The following SCRIB variants were observed in gnomAD, a reference collection of about 807,000 sequenced individuals.
The protein encoded by SCRIB is scribble planar cell polarity protein.
SCRIB carries 72 observed loss-of-function variants against 170.0 expected under a neutral mutation model. That is an observed-to-expected ratio of 0.42 (90% CI 0.35 to 0.52). The LOEUF is 0.52. SCRIB is among the 20% of genes least tolerant of loss of function. The probability of loss-of-function intolerance (pLI) is 0.02; values close to 1 mark genes in which losing one functional copy is unlikely to be tolerated. For synonymous variants in SCRIB, 1,298 were observed against 1,044.3 expected, an observed-to-expected ratio of 1.24 and a Z score of -4.68; for missense variants, 2,475 against 2,338.5, an observed-to-expected ratio of 1.06 and a Z score of -1.20.
At position 143,795,041 on chromosome 8, in the gene SCRIB, C is replaced by G; in HGVS notation, c.3843G>C (p.Gln1281His). Reference sequence around the variant, plus strand: ...GCACTGCACACTGGGCACTCACCCTCTGCACGCTGCCAGCGCTGGGCACGG... The same window carrying G: ...GCACTGCACACTGGGCACTCACCCTGTGCACGCTGCCAGCGCTGGGCACGG... ...LAAVPSAGSV[Q>H]RVPSGAAGGK... The change falls in exon 27 of 37, where the codon CAG (glutamine) becomes CAC (histidine). Residue 1281 changes from glutamine to histidine, a missense_variant. Gln to His is a conservative substitution (Grantham distance 24). Transcript: ENST00000356994. 6.2e-7 allele frequency: 1 copy of G among 1,610,392 alleles called. No homozygotes were observed. Among genetic ancestry groups the G allele is most frequent in the Non-Finnish European group, 8.5e-7 (1 of 1,178,988 alleles).
intron 24 of SCRIB, among the ~76,000 whole-genome samples, chr8:143,802,422 G>A (rs1157054366): frequency 1.3e-5 from 2 of 152,270 alleles, no homozygotes; most frequent in African/African-American, 2.4e-5. Flanking sequence ...TTACAGAGAG[G>A]AAGCCATCTG....
rs533067013 is a variant in SCRIB at position 143,814,260 on chromosome 8, G to A, written c.160-142C>T. 281 of 662,786 alleles carry A rather than the reference G, an allele frequency of 4.2e-4. 1 individual carries two copies. The highest frequency in any genetic ancestry group is 2.5e-3 in the South Asian group (135 of 52,970). The allele number at this position is 662,786 out of a possible 1,614,324, so 41.1% of individuals were successfully genotyped here. A position where few individuals can be genotyped will look rare whatever the true frequency, so the allele number is the denominator to read the frequency against. Reference sequence around the variant, plus strand: ...ACACCGGGTCCTGGGGTCTAACCACGACACCCCATTTGCAAAAAAAGGAAA... The same window carrying A: ...ACACCGGGTCCTGGGGTCTAACCACAACACCCCATTTGCAAAAAAAGGAAA... On this transcript the variant is annotated intron_variant, in intron 1 of 36. Transcript: ENST00000356994.
chr8:143,812,796 G>A (rs368611562), intron 8 of SCRIB, 21 bp downstream of exon 8: 4 of 1,591,786 alleles, frequency 2.5e-6, no homozygotes, highest in Non-Finnish European at 1.7e-6. Context: ...GCCCCACCCA[G>A]GCACCCCCAG....
rs1816058563 is a variant in SCRIB at position 143,815,603 on chromosome 8, T to G, written c.-231A>C. 1 of 981,792 alleles carries G rather than the reference T, an allele frequency of 1.0e-6. No homozygotes were observed. The highest frequency in any genetic ancestry group is 4.7e-5 in the South Asian group (1 of 21,268). The allele number at this position is 981,792 out of a possible 1,614,324, so 60.8% of individuals were successfully genotyped here. On this transcript the variant is annotated 5_prime_UTR_variant, in exon 1 of 37. Coordinates refer to ENST00000356994, the MANE Select transcript of SCRIB (RefSeq NM_182706.5). The stretch of plus-strand genomic sequence containing the variant: ...CGCGGCCCGGCGGGTCTCAGACTCT[T>G]AGGAAGCGCGGGGAGCGGCGGCGGC...
intron 10 of SCRIB, 30 bp from the exon 11 acceptor site, chr8:143,811,102 C>T (rs371431641): frequency 6.9e-6 from 11 of 1,605,744 alleles, no homozygotes; most frequent in South Asian, 3.3e-5. Context: ...AGTCAGCAGG[C>T]GTTGGGGCCA....
At chr8:143,806,802 G>T in intron 17 of SCRIB, 122 bp downstream of exon 17, 1 of 765,736 alleles carries the variant, frequency 1.3e-6, no homozygotes, top group Non-Finnish European at 2.1e-6. Context: ...AGGTGCCTTG[G>T]GCCCAGCCCG....
chr8:143,811,028 G>A lies in SCRIB; in HGVS notation c.1151C>T (p.Ala384Val). Residue 384 changes from alanine (A) to valine (V), a missense_variant, in exon 11 of 37, where the codon GCC becomes GTC. Ala to Val is a moderately conservative substitution (Grantham distance 64). Around this residue, in one of 3 missense-constraint regions of SCRIB, gnomAD observed 487 missense variants for 558.1 expected, o/e 0.87. Coordinates refer to ENST00000356994, the MANE Select transcript of SCRIB (RefSeq NM_182706.5). Reference protein sequence around the residue: ...PFALTHLNLKALWLAENQAQP... With the variant: ...PFALTHLNLKVLWLAENQAQP... ...CGCCTGGTTCTCTGCCAGCCACAGGGCCTTGAGATTGAGGTGGGTGAGCGC... is the reference window on the plus strand; with the variant it reads ...CGCCTGGTTCTCTGCCAGCCACAGGACCTTGAGATTGAGGTGGGTGAGCGC... 3.1e-6 allele frequency: 5 copies of A among 1,612,478 alleles called. No individual in the cohort carries two copies. The highest frequency in any genetic ancestry group is 4.2e-6 in the Non-Finnish European group (5 of 1,179,650).
At chr8:143,807,066 G>A in intron 16 of SCRIB, 53 bp from the exon 17 acceptor site, 3 of 1,320,122 alleles carry the variant, frequency 2.3e-6, no homozygotes, top group Non-Finnish European at 3.2e-6. Context: ...GGCTGCCTGT[G>A]CTCTCTGCAG....
chr8:143,792,643 A>G lies in SCRIB; in HGVS notation c.4178-8T>C, dbSNP rs782411562. On this transcript the variant is annotated splice_region_variant and splice_polypyrimidine_tract_variant and intron_variant, in intron 30 of 36. Coordinates refer to ENST00000356994, the MANE Select transcript of SCRIB (RefSeq NM_182706.5). ...TCTGCTGTAGTTTTCTGGCTGCCGG[A>G]GGGCAGGGTGGGTCAGGCCAGACCA... 41 of 1,592,736 alleles carry G rather than the reference A, an allele frequency of 2.6e-5. No homozygotes were observed. The East Asian group carries it at 9.2e-4, about 36-fold the overall frequency.
Position 143,803,701 on chromosome 8 carries a change from C to T in SCRIB, c.3360G>A (p.Arg1120=), listed in dbSNP as rs1416911911. The T allele has an allele frequency of 1.3e-6, 2 of 1,585,576 alleles. No homozygotes were observed. The highest frequency in any genetic ancestry group is 1.8e-5 in the Admixed American group (1 of 56,944). Residue 1120 remains arginine, a synonymous_variant, in exon 23 of 37, where the codon AGG becomes AGA. Coordinates refer to ENST00000356994, the MANE Select transcript of SCRIB (RefSeq NM_182706.5). Reference sequence around the variant, plus strand: ...GGTCGCGGGGGTTGCCAGCGTGGCCCCTGGCACCCCCGCGGATGCTGATGC... The same window carrying T: ...GGTCGCGGGGGTTGCCAGCGTGGCCTCTGGCACCCCCGCGGATGCTGATGC... ...RLGISIRGGA[R]GHAGNPRDPT... is the part of the protein sequence containing the mutation.
chr8:143,795,497 C>T lies in SCRIB; in HGVS notation c.3637G>A (p.Ala1213Thr). Reference sequence around the variant, plus strand: ...AGGCTGTTCCGGTGGCCGATGCCTGCCGCAAAGGGGTTGGCAATGACACCT... The same window carrying T: ...AGGCTGTTCCGGTGGCCGATGCCTGTCGCAAAGGGGTTGGCAATGACACCT... ...SPGVIANPFA[A>T]GIGHRNSLES... The change falls in exon 25 of 37, where the codon GCA becomes ACA. Residue 1213 changes from alanine to threonine, a missense_variant. Transcript: ENST00000356994. 1 of 1,613,198 alleles carries T rather than the reference C, an allele frequency of 6.2e-7. No individual in the cohort carries two copies. Among genetic ancestry groups the T allele is most frequent in the South Asian group, 1.1e-5 (1 of 90,942 alleles).
At position 143,792,368 on chromosome 8, in the gene SCRIB, C is replaced by A; in HGVS notation, c.4366G>T (p.Ala1456Ser). ...TCAGCTTTGGCCGTCCGCACCGGGG[C>A]GCCACCTCCCAGGGGTGGGGGGGAC... The part of the protein sequence containing the change: ...PASPPPLGGG[A>S]PVRTAKAERR... The change falls in exon 32 of 37, where the codon GCC becomes TCC. Residue 1456 changes from alanine to serine, a missense_variant. By Grantham distance (99) the Ala-to-Ser change is moderately conservative. Transcript: ENST00000356994. 6.6e-7 allele frequency: 1 copy of A among 1,525,494 alleles called. No homozygotes were observed. The highest frequency in any genetic ancestry group is 8.8e-7 in the Non-Finnish European group (1 of 1,141,940). The allele number at this position is 1,525,494 out of a possible 1,614,324, so 94.5% of individuals were successfully genotyped here.
In SCRIB at chr8:143,792,851, G is replaced by T. The variant is rs1279566974; in HGVS notation, c.4034C>A (p.Pro1345His). The change falls in exon 30 of 37, where the codon CCT becomes CAT. Residue 1345 changes from proline (P) to histidine (H), a missense_variant. By Grantham distance (77) the Pro-to-His change is moderately conservative. Coordinates refer to ENST00000356994, the MANE Select transcript of SCRIB (RefSeq NM_182706.5). ...GGACAGCTGCTCCGGGGAGGCTGCA[G>T]GCCCAGGCGTGGGGGGCTGGGGGGA... ...DAPAQPPTPG[P>H]AASPEQLSFR... 5.9e-6 allele frequency: 9 copies of T among 1,525,716 alleles called. No homozygotes were observed. Among genetic ancestry groups the T allele is most frequent in the African/African-American group, 1.4e-5 (1 of 72,576 alleles). The allele number at this position is 1,525,716 out of a possible 1,614,324, so 94.5% of individuals were successfully genotyped here.
At chr8:143,809,445 G>A in intron 14 of SCRIB, 106 bp downstream of exon 14, 1 of 1,281,102 alleles carries the variant, frequency 7.8e-7, no homozygotes, top group South Asian at 1.3e-5. Context: ...CATCAGCAGG[G>A]CCCAGGCACT....
chr8:143,814,368 C>T (rs559421226), intron 1 of SCRIB, among the ~76,000 whole-genome samples: 79 of 152,222 alleles, frequency 5.2e-4, no homozygotes, highest in Middle Eastern at 3.4e-3. Context: ...CACCTGCTGG[C>T]GACCAGACAA....
At chr8:143,794,182 A>ATGGCAGTG (rs1814835624) in intron 27 of SCRIB, 1 of 557,992 alleles carries the variant, frequency 1.8e-6, no homozygotes, top group Non-Finnish European at 3.2e-6. Flanking sequence ...TGCTGTCTCC[A>ATGGCAGTG]TGGCAGTGTG....
At position 143,815,357 on chromosome 8, in the gene SCRIB, G is replaced by A. The variant is rs1423345583; in HGVS notation, c.16C>T (p.Pro6Ser). 6.5e-6 allele frequency: 10 copies of A among 1,530,926 alleles called. No homozygotes were observed. The Admixed American group carries it at 9.6e-5, about 15-fold the overall frequency. The allele number at this position is 1,530,926 out of a possible 1,614,324, so 94.8% of individuals were successfully genotyped here. A position where few individuals can be genotyped will look rare whatever the true frequency, so the allele number is the denominator to read the frequency against. MLKCIPLWRCNRHVES... is the reference protein window; with the variant it reads MLKCISLWRCNRHVES... ...ACGTGCCGGTTGCAGCGCCACAGCGGGATGCACTTGAGCATGGTGCGGGTG... is the reference window on the plus strand; with the variant it reads ...ACGTGCCGGTTGCAGCGCCACAGCGAGATGCACTTGAGCATGGTGCGGGTG... The change falls in exon 1 of 37, where the codon CCG (proline) becomes TCG (serine). Residue 6 changes from proline to serine, a missense_variant. Physicochemically the swap from Pro to Ser is moderately conservative, Grantham distance 74. Around this residue, in one of 3 missense-constraint regions of SCRIB, gnomAD observed 487 missense variants for 558.1 expected, o/e 0.87. Transcript: ENST00000356994.
chr8:143,808,821 CA>C lies in SCRIB; in HGVS notation c.1902del (p.Asp635MetfsTer82). The C allele has an allele frequency of 6.2e-7, 1 of 1,611,936 alleles. No homozygotes were observed. Among genetic ancestry groups the C allele is most frequent in the Non-Finnish European group, 8.5e-7 (1 of 1,179,676 alleles). On this transcript the variant is annotated frameshift_variant, in exon 15 of 37. Transcript: ENST00000356994. LOFTEE classifies it high-confidence loss of function. ...AVVALLQGMQ[P>X]DGEGPVAPGG... The stretch of plus-strand genomic sequence containing the variant: ...CCGGGAGCCACAGGGCCCTCCCCAT[CA>C]GGCTGCATGCCCTGCAGCAGAGCCA...
rs201051378 is a variant in SCRIB, at chr8:143,795,358, G to A, written c.3715-25C>T. ...CCTGTGAGCAGAGCAGAGCAGACCC[G>A]TCAGGCACCACCGGCCTCGGGCTCC... On this transcript the variant is annotated intron_variant, in intron 25 of 36. Coordinates refer to ENST00000356994, the MANE Select transcript of SCRIB (RefSeq NM_182706.5). 2.0e-4 allele frequency: 319 copies of A among 1,612,622 alleles called. 2 individuals carry two copies. The highest frequency in any genetic ancestry group is 1.6e-3 in the Admixed American group (94 of 59,996).
Sources: allele counts gnomAD v4.1 joint callset (sites outside exome capture counted in the v4.1 genomes callset), GRCh38; gene constraint gnomAD v4.1.1; regional missense constraint gnomAD v4.1.1; transcripts MANE v1.5; gene names NCBI Gene and HGNC (gene_info 2026-07-23, HGNC 2026-07-21).